PLXNA4: variants seen among roughly 807,000 people sequenced by gnomAD.
PLXNA4 encodes the protein plexin A4, also known as plexin-A4.
In PLXNA4, 44 loss-of-function variants were observed where a neutral mutation model predicts 191.8. The observed-to-expected ratio is 0.23, with a 90% confidence interval of 0.18 to 0.29. PLXNA4 has a LOEUF of 0.29. Among genes scored for constraint, PLXNA4 ranks in the 10% least tolerant of loss-of-function variants. The probability of loss-of-function intolerance (pLI) is 1.00; values close to 1 mark genes in which losing one functional copy is unlikely to be tolerated. For missense variants in PLXNA4, 1,800 were observed against 2,488.8 expected (o/e 0.72, Z 5.89); for synonymous variants, 1,082 against 1,009.5 (o/e 1.07, Z -1.36).
intron 3 of PLXNA4, among the ~76,000 whole-genome samples, chr7:132,317,953 G>T (rs1465704626): frequency 1.3e-5 from 2 of 152,236 alleles, no homozygotes; most frequent in Non-Finnish European, 2.9e-5. Context: ...GGCACAGTTT[G>T]CAGGCCAGAG....
chr7:132,560,220 G>A (rs565010635), intron 1 of PLXNA4, among the ~76,000 whole-genome samples: 1 of 152,276 alleles, frequency 6.6e-6, no homozygotes, highest in South Asian at 2.1e-4. Flanking sequence ...ATTGAAGTTG[G>A]AGGCACGCAC....
At chr7:132,138,625 G>A (rs1795181421) in intron 30 of PLXNA4, among the ~76,000 whole-genome samples, 1 of 152,200 alleles carries the variant, frequency 6.6e-6, no homozygotes, top group Admixed American at 6.5e-5. Context: ...GGGGCTTCAA[G>A]TAAGTGAAAG....
In PLXNA4 at chr7:132,527,578, G is replaced by T. The variant is rs374215503; in HGVS notation, c.-86-18799C>A. 1.4e-4 allele frequency among the ~76,000 whole-genome samples: 20 copies of T among 140,094 alleles called. No homozygotes were observed. In the East Asian group the frequency reaches 1.9e-3, roughly 13 times the overall value. 91.9% of individuals were successfully genotyped at this position (140,094 alleles called of 152,430 possible). A position where few individuals can be genotyped will look rare whatever the true frequency, so the allele number is the denominator to read the frequency against. On this transcript the variant is annotated intron_variant, in intron 1 of 31. Coordinates refer to ENST00000321063, the MANE Select transcript of PLXNA4 (RefSeq NM_020911.2). ...AAAAAAAAAAGAATTGGAAAGAAAT[G>T]AAGCAACCTCTAGTGAACGGACTAA...
intron 3 of PLXNA4, among the ~76,000 whole-genome samples, chr7:132,327,036 A>T (rs1235491774): frequency 6.8e-6 from 1 of 147,320 alleles, no homozygotes; most frequent in Admixed American, 6.8e-5. Flanking sequence ...GAAGGAAGAA[A>T]AGAGGGAGGG....
At chr7:132,593,443 A>G (rs2116829669) in intron 2 of PLXNA4, among the ~76,000 whole-genome samples, 1 of 152,324 alleles carries the variant, frequency 6.6e-6, no homozygotes, top group Admixed American at 6.5e-5. Context: ...TGTGTCCATC[A>G]TGGAAATGGA....
intron 3 of PLXNA4, among the ~76,000 whole-genome samples, chr7:132,433,044 G>T (rs932614217): frequency 2.0e-5 from 3 of 152,162 alleles, no homozygotes; most frequent in African/African-American, 7.2e-5. Flanking sequence ...TTTCTGTCTA[G>T]TTCCGGTTGA....
intron 2 of PLXNA4, among the ~76,000 whole-genome samples, chr7:132,593,077 G>A (rs1384733212): frequency 2.0e-5 from 3 of 152,148 alleles, no homozygotes; most frequent in Non-Finnish European, 2.9e-5. Context: ...TAAACCAGAG[G>A]TGGACTAATT....
intron 22 of PLXNA4, 93 bp downstream of exon 22, chr7:132,168,211 T>C: frequency 7.1e-7 from 1 of 1,400,584 alleles, no homozygotes; most frequent in Non-Finnish European, 9.3e-7. Flanking sequence ...ACATGGCTGC[T>C]CTCCTAGGAG....
At chr7:132,140,143 ACAAAGG>A (rs750639880) in intron 30 of PLXNA4, among the ~76,000 whole-genome samples, 1 of 152,234 alleles carries the variant, frequency 6.6e-6, no homozygotes, top group Non-Finnish European at 1.5e-5. Flanking sequence ...TCAGACAGTG[ACAAAGG>A]CATCCCCACT....
At chr7:132,293,607 G>A (rs1800970847) in intron 4 of PLXNA4, among the ~76,000 whole-genome samples, 2 of 152,294 alleles carry the variant, frequency 1.3e-5, no homozygotes, top group South Asian at 4.1e-4. Context: ...GGTTGTTTAG[G>A]CCACTGCCCT....
chr7:132,198,124 T>TG (rs776909116), intron 13 of PLXNA4, among the ~76,000 whole-genome samples: 43 of 152,256 alleles, frequency 2.8e-4, no homozygotes, highest in Non-Finnish European at 5.6e-4. Flanking sequence ...GGATCAGTGC[T>TG]GGGGGGGATG....
chr7:132,181,751 G>A, intron 17 of PLXNA4, 131 bp from the exon 18 acceptor site: 1 of 1,451,166 alleles, frequency 6.9e-7, no homozygotes, highest in African/African-American at 1.4e-5. Context: ...GATGAGTCAG[G>A]GCCACACAAT....
intron 10 of PLXNA4, among the ~76,000 whole-genome samples, chr7:132,208,576 AAGGGAGCCG>A (rs1797700546): frequency 6.6e-6 from 1 of 152,058 alleles, no homozygotes; most frequent in Non-Finnish European, 1.5e-5. Context: ...CTTCTTGGTG[AAGGGAGCCG>A]CAGCTTCCAG....
intron 2 of PLXNA4, 56 bp from the exon 3 acceptor site, chr7:132,489,530 A>G: frequency 1.4e-6 from 2 of 1,402,558 alleles, no homozygotes; most frequent in Non-Finnish European, 1.9e-6. Context: ...ATTGGCAGAG[A>G]TATTAAGTCA....
Position 132,194,176 on chromosome 7 carries a change from G to A in PLXNA4, c.2742C>T (p.Ile914=), listed in dbSNP as rs748905519. 2.9e-5 allele frequency: 47 copies of A among 1,612,576 alleles called. No individual in the cohort carries two copies. The East Asian group carries it at 3.1e-4, about 11-fold the overall frequency. ...GCTTGGCCTCCCCCATCTCACACAC[G>A]ATCCTGCAGGGAGGATAGGAGAAAT... ...LVDGYIPAEQ[I]VCEMGEAKPS... Residue 914 remains isoleucine (I), a synonymous_variant, in exon 14 of 32, where the codon ATC becomes ATT. Transcript: ENST00000321063.
intron 1 of PLXNA4, among the ~76,000 whole-genome samples, chr7:132,521,177 TGAA>T (rs1253921604): frequency 1.0e-4 from 12 of 115,650 alleles, no homozygotes; most frequent in African/African-American, 2.6e-4. Flanking sequence ...ATTTGCTCCT[TGAA>T]AAAAAAAAAA....
intron 2 of PLXNA4, among the ~76,000 whole-genome samples, chr7:132,507,114 G>A (rs757433171): frequency 7.9e-5 from 12 of 152,200 alleles, no homozygotes; most frequent in Non-Finnish European, 1.6e-4. Context: ...TTATTTGCAG[G>A]CTTGGTGAGT....
At chr7:132,542,378 T>C (rs1800122661) in intron 1 of PLXNA4, among the ~76,000 whole-genome samples, 1 of 152,210 alleles carries the variant, frequency 6.6e-6, no homozygotes, top group South Asian at 2.1e-4. Context: ...GGGAATAGTA[T>C]AGGCCAAGGT....
chr7:132,428,146 C>T (rs930503412), intron 3 of PLXNA4, among the ~76,000 whole-genome samples: 1 of 152,170 alleles, frequency 6.6e-6, no homozygotes, highest in Non-Finnish European at 1.5e-5. Context: ...CTTCTGCCTG[C>T]CCCCACCAGA....
Sources: allele counts gnomAD v4.1 joint callset (sites outside exome capture counted in the v4.1 genomes callset), GRCh38; gene constraint gnomAD v4.1.1; transcripts MANE v1.5; gene names NCBI Gene and HGNC (gene_info 2026-07-23, HGNC 2026-07-21).